Variants in SH3D21 observed in about 807,000 individuals in gnomAD.
The protein encoded by SH3D21 is manchette microtubule inner protein 1.
In SH3D21, 83 loss-of-function variants were observed where a neutral mutation model predicts 82.1. The ratio of observed to expected loss-of-function variants is 1.01; its 90% CI spans 0.85 to 1.21. The LOEUF is 1.21. Ranked by LOEUF, SH3D21 falls within the 50% of genes most tolerant of loss-of-function variation. The pLI is 0.00. For synonymous variants in SH3D21, 383 were observed against 387.8 expected (o/e 0.99, Z 0.15); for missense variants, 980 against 962.1 (o/e 1.02, Z -0.25).
intron 10 of SH3D21, among the ~76,000 whole-genome samples, chr1:36,317,093 G>C (rs985520098): frequency 1.3e-5 from 2 of 152,180 alleles, no homozygotes; most frequent in African/African-American, 4.8e-5. Context: ...CACCTAATCA[G>C]CCATACTGTA....
intron 10 of SH3D21, among the ~76,000 whole-genome samples, chr1:36,310,588 G>C (rs1646218615): frequency 6.6e-6 from 1 of 151,026 alleles, no homozygotes; most frequent in Admixed American, 6.6e-5. Context: ...GTATGCCAGC[G>C]TAGGTGAGAG....
In SH3D21 at chr1:36,307,380, T is replaced by G. The variant is rs1646150183; in HGVS notation, c.345+95T>G. 1.3e-6 allele frequency: 2 copies of G among 1,520,324 alleles called. No homozygotes were observed. Among genetic ancestry groups the G allele is most frequent in the African/African-American group, 1.4e-5 (1 of 72,526 alleles). The allele number at this position is 1,520,324 out of a possible 1,614,324, so 94.2% of individuals were successfully genotyped here. A position where few individuals can be genotyped will look rare whatever the true frequency, so the allele number is the denominator to read the frequency against. ...GAAGTGAGGGTGTGGACGGTGGGAA[T>G]GGCGACGGTGCAGATACGGGGAAGC... On this transcript the variant is annotated intron_variant, in intron 4 of 15. Coordinates refer to ENST00000453908, the MANE Select transcript of SH3D21 (RefSeq NM_001162530.2). The surrounding 1 kb of genome is among the most constrained non-coding windows in gnomAD (Gnocchi z 5.4).
In SH3D21 at chr1:36,319,760, C is replaced by G; in HGVS notation, c.1097C>G (p.Pro366Arg). The G allele has an allele frequency of 6.2e-7, 1 of 1,608,852 alleles. No homozygotes were observed. Among genetic ancestry groups the G allele is most frequent in the Non-Finnish European group, 8.5e-7 (1 of 1,177,762 alleles). ...AAGACTGCCACCCCAGAGAGGCCCC[C>G]AGCTCCAGAGAACGCCCCCAGCTCC... is the stretch of plus-strand genomic sequence containing the variant. ...PDKTATPERP[P>R]APENAPSSKK... The change falls in exon 14 of 16, where the codon CCA becomes CGA. Residue 366 changes from proline (P) to arginine (R), a missense_variant. Physicochemically the swap from Pro to Arg is moderately radical, Grantham distance 103 (BLOSUM62 -2). Transcript: ENST00000453908.
intron 10 of SH3D21, among the ~76,000 whole-genome samples, chr1:36,310,915 T>G (rs867854426): frequency 8.5e-4 from 130 of 152,168 alleles, no homozygotes; most frequent in African/African-American, 2.7e-3. Flanking sequence ...TGTTTGTTTT[T>G]TTTTTTTTAT....
chr1:36,311,968 T>C (rs1646249103), intron 10 of SH3D21, among the ~76,000 whole-genome samples: 1 of 152,084 alleles, frequency 6.6e-6, no homozygotes, highest in Admixed American at 6.5e-5. Context: ...GTGCTGGGAT[T>C]AGAGGTGTCA....
downstream of SH3D21, among the ~76,000 whole-genome samples, chr1:36,326,908 T>C (rs1459429973): frequency 2.0e-5 from 3 of 152,158 alleles, no homozygotes; most frequent in African/African-American, 7.2e-5. Flanking sequence ...AGACTTGAAA[T>C]GTCCATTAGA....
At chr1:36,310,401 G>A (rs1646215879) in intron 10 of SH3D21, among the ~76,000 whole-genome samples, 1 of 152,086 alleles carries the variant, frequency 6.6e-6, no homozygotes, top group African/African-American at 2.4e-5. Flanking sequence ...ATCACCTGAG[G>A]TTAGGAGTTC....
Position 36,307,103 on chromosome 1 carries a change from G to C in SH3D21, c.227-64G>C. ...ACCAAAGGCTACGTGCGCGCCTTGC[G>C]CTTCCCCCAGCTCCTCTGACTGGGG... is the stretch of plus-strand genomic sequence containing the variant. On this transcript the variant is annotated intron_variant, in intron 3 of 15. Coordinates refer to ENST00000453908, the MANE Select transcript of SH3D21 (RefSeq NM_001162530.2). This position sits in a 1 kb window ranked among gnomAD's most constrained non-coding sequence, Gnocchi z 5.4. 1.9e-6 allele frequency: 3 copies of C among 1,543,426 alleles called. No individual in the cohort carries two copies. Among genetic ancestry groups the C allele is most frequent in the Non-Finnish European group, 1.8e-6 (2 of 1,142,256 alleles).
In SH3D21 at chr1:36,307,780, C is replaced by G. The variant is rs1646159439; in HGVS notation, c.447C>G (p.Asn149Lys). The part of the protein sequence containing the change: ...LLDSGPPSLG[N>K]PDMPSVSPGP... Reference sequence around the variant, plus strand: ...ACTGTCCCCCACTAGGCCTTGGTAACCCAGACATGCCTTCAGTCAGCCCTG... The same window carrying G: ...ACTGTCCCCCACTAGGCCTTGGTAAGCCAGACATGCCTTCAGTCAGCCCTG... Residue 149 changes from asparagine to lysine, a missense_variant, in exon 6 of 16, where the codon AAC (asparagine) becomes AAG (lysine). Coordinates refer to ENST00000453908, the MANE Select transcript of SH3D21 (RefSeq NM_001162530.2). This position sits in a 1 kb window ranked among gnomAD's most constrained non-coding sequence, Gnocchi z 5.4. 2.6e-6 allele frequency: 4 copies of G among 1,551,814 alleles called. No homozygotes were observed. The highest frequency in any genetic ancestry group is 2.6e-6 in the Non-Finnish European group (3 of 1,147,012).
rs777556334 is a variant in SH3D21, at chr1:36,320,581, G to T, written c.1918G>T (p.Val640Leu). ...AGAGGAATTGCCCCCTAAAGAGGAA[G>T]TGGCTCCAAAAGAGGAGGTGCCCCC... ...LKEELPPKEE[V>L]APKEEVPPIE... Residue 640 changes from valine to leucine, a missense_variant, in exon 14 of 16, where the codon GTG becomes TTG. Physicochemically the swap from Val to Leu is conservative, Grantham distance 32 (BLOSUM62 1). Coordinates refer to ENST00000453908, the MANE Select transcript of SH3D21 (RefSeq NM_001162530.2). 2.3e-5 allele frequency: 37 copies of T among 1,614,174 alleles called. No homozygotes were observed. Among genetic ancestry groups the T allele is most frequent in the South Asian group, 1.4e-4 (13 of 91,086 alleles).
downstream of SH3D21, chr1:36,322,636 A>G: frequency 6.5e-7 from 1 of 1,545,670 alleles, no homozygotes; most frequent in Non-Finnish European, 8.7e-7. Flanking sequence ...CGGGGCGCCC[A>G]CGAGATGCTG....
rs1411418742 is a variant in SH3D21, at chr1:36,307,891, G to A, written c.493-27G>A. On this transcript the variant is annotated intron_variant, in intron 6 of 15. Coordinates refer to ENST00000453908, the MANE Select transcript of SH3D21 (RefSeq NM_001162530.2). The surrounding 1 kb of genome is among the most constrained non-coding windows in gnomAD (Gnocchi z 5.4). ...CTTGGGGTGGTTGGAGGCTCATCTA[G>A]TTCCTCCCTGCCCCTTCCCCCACTA... is the stretch of plus-strand genomic sequence containing the variant. The A allele has an allele frequency of 1.3e-6, 2 of 1,551,676 alleles. No individual in the cohort carries two copies. Among genetic ancestry groups the A allele is most frequent in the Admixed American group, 2.0e-5 (1 of 50,994 alleles).
chr1:36,308,185 G>A lies in SH3D21; in HGVS notation c.615G>A (p.Gly205=), dbSNP rs1465783186. 2 of 1,545,580 alleles carry A rather than the reference G, an allele frequency of 1.3e-6. No homozygotes were observed. Among genetic ancestry groups the A allele is most frequent in the South Asian group, 1.2e-5 (1 of 82,934 alleles). ...CAGACGAGTTGGCGCTGCGGAGGGG[G>A]GACGTGGTAAAAGTACTCAGCAAGG... ...EAPDELALRR[G]DVVKVLSKTT... The change falls in exon 8 of 16, where the codon GGG becomes GGA. Residue 205 remains glycine (G), a synonymous_variant. Transcript: ENST00000453908.
intron 10 of SH3D21, among the ~76,000 whole-genome samples, chr1:36,315,594 C>T (rs759019923): frequency 5.3e-5 from 8 of 152,006 alleles, no homozygotes; most frequent in Non-Finnish European, 7.4e-5. Flanking sequence ...GGTGATCCGC[C>T]CACCTCGGCC....
chr1:36,314,268 C>T (rs968766154), intron 10 of SH3D21, among the ~76,000 whole-genome samples: 1 of 151,678 alleles, frequency 6.6e-6, no homozygotes, highest in African/African-American at 2.4e-5. Flanking sequence ...AGCCACCGCG[C>T]CCGGCCCGAT....
chr1:36,322,269 C>A, downstream of SH3D21: 1 of 1,470,908 alleles, frequency 6.8e-7, no homozygotes, highest in Non-Finnish European at 9.0e-7. Flanking sequence ...GTACCCCGAG[C>A]GCCTTGCAGC....
In SH3D21 at chr1:36,307,803, C is replaced by T. The variant is rs1268689151; in HGVS notation, c.470C>T (p.Pro157Leu). 16 of 1,551,704 alleles carry T rather than the reference C, an allele frequency of 1.0e-5. No homozygotes were observed. The highest frequency in any genetic ancestry group is 3.9e-5 in the Admixed American group (2 of 50,974). Residue 157 changes from proline (P) to leucine (L), a missense_variant, in exon 6 of 16, where the codon CCT (proline) becomes CTT (leucine). Pro to Leu is a moderately conservative substitution (Grantham distance 98). Transcript: ENST00000453908. The surrounding 1 kb of genome is among the most constrained non-coding windows in gnomAD (Gnocchi z 5.4). Reference protein sequence around the residue: ...LGNPDMPSVSPGPQRPPKLSS... With the variant: ...LGNPDMPSVSLGPQRPPKLSS... ...AACCCAGACATGCCTTCAGTCAGCC[C>T]TGGTCCCCAGCGGCCTCCCAAGGTA...
In SH3D21 at chr1:36,307,104, C is replaced by G; in HGVS notation, c.227-63C>G. 5 of 1,543,914 alleles carry G rather than the reference C, an allele frequency of 3.2e-6. No individual in the cohort carries two copies. Among genetic ancestry groups the G allele is most frequent in the Non-Finnish European group, 4.4e-6 (5 of 1,142,566 alleles). On this transcript the variant is annotated intron_variant, in intron 3 of 15. Transcript: ENST00000453908. The surrounding 1 kb of genome is among the most constrained non-coding windows in gnomAD (Gnocchi z 5.4). ...CCAAAGGCTACGTGCGCGCCTTGCG[C>G]TTCCCCCAGCTCCTCTGACTGGGGC...
downstream of SH3D21, chr1:36,322,263 C>T (rs1250849282): frequency 6.8e-7 from 1 of 1,466,652 alleles, no homozygotes; most frequent in South Asian, 1.4e-5. Flanking sequence ...GGTCCGGTAC[C>T]CCGAGCGCCT....
Sources: allele counts gnomAD v4.1 joint callset (sites outside exome capture counted in the v4.1 genomes callset), GRCh38; gene constraint gnomAD v4.1.1; non-coding constraint Gnocchi (gnomAD v3.1); transcripts MANE v1.5; gene names NCBI Gene and HGNC (gene_info 2026-07-23, HGNC 2026-07-21).